Variants in LRRTM4 observed in about 807,000 individuals in gnomAD.
LRRTM4 encodes leucine rich repeat transmembrane neuronal 4.
In LRRTM4, 25 loss-of-function variants were observed where a neutral mutation model predicts 47.6. The ratio of observed to expected loss-of-function variants is 0.53; its 90% CI spans 0.38 to 0.73. LRRTM4 has a LOEUF of 0.73. Ranked by LOEUF, LRRTM4 falls within the 30% of genes least tolerant of loss-of-function variation. The probability of loss-of-function intolerance (pLI) is 0.00; values close to 1 mark genes in which losing one functional copy is unlikely to be tolerated. For synonymous variants in LRRTM4, 311 were observed against 269.5 expected (o/e 1.15, Z -1.51); for missense variants, 638 against 713.4 (o/e 0.89, Z 1.20).
At chr2:77,357,325 T>C (rs1412876430) in intron 3 of LRRTM4, among the ~76,000 whole-genome samples, 3 of 152,180 alleles carry the variant, frequency 2.0e-5, no homozygotes, top group Non-Finnish European at 2.9e-5. Flanking sequence ...ATGATGATCC[T>C]GACCTTTTTC....
intron 3 of LRRTM4, among the ~76,000 whole-genome samples, chr2:76,843,034 G>A (rs1485641709): frequency 6.6e-6 from 1 of 152,136 alleles, no homozygotes; most frequent in Non-Finnish European, 1.5e-5. Flanking sequence ...AAATGGTAAG[G>A]TTTACACATT....
At chr2:76,799,532 A>G (rs1675541321) in intron 3 of LRRTM4, among the ~76,000 whole-genome samples, 2 of 144,044 alleles carry the variant, frequency 1.4e-5, no homozygotes, top group Admixed American at 6.9e-5. Flanking sequence ...TTCCCTTTGA[A>G]AACTGGCACA....
intron 3 of LRRTM4, among the ~76,000 whole-genome samples, chr2:77,223,174 A>T (rs952271508): frequency 1.5e-4 from 23 of 152,190 alleles, no homozygotes; most frequent in Admixed American, 8.5e-4. Flanking sequence ...CATGCTAAAA[A>T]CTCTCAATAA....
At chr2:77,128,554 A>G (rs1671714033) in intron 3 of LRRTM4, among the ~76,000 whole-genome samples, 1 of 152,216 alleles carries the variant, frequency 6.6e-6, no homozygotes, top group Admixed American at 6.5e-5. Flanking sequence ...CCCATCTAGT[A>G]AAACTATACA....
chr2:76,782,500 A>C (rs1478661250), intron 3 of LRRTM4, among the ~76,000 whole-genome samples: 1 of 152,212 alleles, frequency 6.6e-6, no homozygotes. Flanking sequence ...TGCAATAGCA[A>C]CAGGAGGTGA....
intron 3 of LRRTM4, among the ~76,000 whole-genome samples, chr2:77,109,879 A>G (rs1272829264): frequency 1.3e-5 from 2 of 152,132 alleles, no homozygotes; most frequent in African/African-American, 2.4e-5. Flanking sequence ...ATTATAGACA[A>G]ATGTCTTAAA....
chr2:77,040,054 T>C (rs17013640), intron 3 of LRRTM4, among the ~76,000 whole-genome samples: 5,071 of 151,270 alleles, frequency 0.034, 289 homozygotes, highest in African/African-American at 0.12. Context: ...TGTTGTAGCA[T>C]TATAAGACAG....
Position 76,945,910 on chromosome 2 carries a change from T to A in LRRTM4, c.1552-196994A>T, listed in dbSNP as rs114478306. 7.7e-3 allele frequency among the ~76,000 whole-genome samples: 1,177 copies of A among 152,100 alleles called. 18 individuals carry two copies. Among genetic ancestry groups the A allele is most frequent in the African/African-American group, 0.027 (1,122 of 41,532 alleles). On this transcript the variant is annotated intron_variant, in intron 3 of 3. Coordinates refer to ENST00000409884, the MANE Select transcript of LRRTM4 (RefSeq NM_001134745.3). ...CCACAATTGAGAAATTGTAGAAATC[T>A]GTATATCCCTTCTCATTCTTGTTCT...
intron 3 of LRRTM4, among the ~76,000 whole-genome samples, chr2:77,313,120 G>A (rs923841328): frequency 6.6e-6 from 1 of 152,202 alleles, no homozygotes; most frequent in Non-Finnish European, 1.5e-5. Context: ...GGGACCTCGT[G>A]CTGGGATGTG....
intron 3 of LRRTM4, among the ~76,000 whole-genome samples, chr2:76,909,596 T>G (rs541834225): frequency 2.0e-5 from 3 of 151,774 alleles, no homozygotes; most frequent in Non-Finnish European, 4.4e-5. Context: ...ACCTACTCAT[T>G]TGACAAAGGG....
intron 3 of LRRTM4, among the ~76,000 whole-genome samples, chr2:77,030,870 A>C (rs2104137600): frequency 6.6e-6 from 1 of 152,306 alleles, no homozygotes; most frequent in African/African-American, 2.4e-5. Flanking sequence ...TTTTGAAGTA[A>C]CTGTTCTTTC....
chr2:77,195,993 GA>G lies in LRRTM4; in HGVS notation c.1551+322324del, dbSNP rs763267535. 7.2e-4 allele frequency among the ~76,000 whole-genome samples: 109 copies of G among 152,196 alleles called. 1 individual carries two copies. In the Middle Eastern group the frequency reaches 0.01, roughly 14 times the overall value. ...GTAAGCTATTAATCTTTCCTGACAAGAAGAAACTAATCCTTCTCATTATTGC... is the reference window on the plus strand; with the variant it reads ...GTAAGCTATTAATCTTTCCTGACAAGAGAAACTAATCCTTCTCATTATTGC... On this transcript the variant is annotated intron_variant, in intron 3 of 3. Coordinates refer to ENST00000409884, the MANE Select transcript of LRRTM4 (RefSeq NM_001134745.3).
At chr2:77,066,014 C>T (rs1340852370) in intron 3 of LRRTM4, among the ~76,000 whole-genome samples, 1 of 152,026 alleles carries the variant, frequency 6.6e-6, no homozygotes, top group African/African-American at 2.4e-5. Flanking sequence ...CTCTATAGAG[C>T]AAATTCAGGA....
At chr2:76,906,957 G>A (rs1404626330) in intron 3 of LRRTM4, among the ~76,000 whole-genome samples, 2 of 151,790 alleles carry the variant, frequency 1.3e-5, no homozygotes. Context: ...AAGTTAACAA[G>A]GATACCCAGG....
intron 3 of LRRTM4, among the ~76,000 whole-genome samples, chr2:76,872,734 G>A (rs1672660970): frequency 6.6e-6 from 1 of 151,964 alleles, no homozygotes; most frequent in Admixed American, 6.6e-5. Context: ...TCCTAATGTA[G>A]GAGGTGAGAC....
At chr2:76,893,463 A>C (rs1197771861) in intron 3 of LRRTM4, among the ~76,000 whole-genome samples, 1 of 151,742 alleles carries the variant, frequency 6.6e-6, no homozygotes, top group Non-Finnish European at 1.5e-5. Context: ...ATAATAACTA[A>C]CAACCAAATG....
chr2:76,770,133 G>A (rs972487297), intron 3 of LRRTM4, among the ~76,000 whole-genome samples: 7 of 152,138 alleles, frequency 4.6e-5, no homozygotes, highest in African/African-American at 1.4e-4. Context: ...AAAGGGAAAT[G>A]TAAGTTTCAA....
chr2:77,322,709 T>A (rs1364339540), intron 3 of LRRTM4, among the ~76,000 whole-genome samples: 1 of 151,084 alleles, frequency 6.6e-6, no homozygotes, highest in African/African-American at 2.4e-5. Context: ...TGCCAAAGTT[T>A]GTTTTAAAAA....
chr2:76,781,762 A>G (rs1051887186), intron 3 of LRRTM4, among the ~76,000 whole-genome samples: 2 of 151,608 alleles, frequency 1.3e-5, no homozygotes, highest in South Asian at 2.1e-4. Context: ...TCCTATTCTC[A>G]TTTCTCTTAT....
Sources: allele counts gnomAD v4.1 joint callset (sites outside exome capture counted in the v4.1 genomes callset), GRCh38; gene constraint gnomAD v4.1.1; transcripts MANE v1.5; gene names NCBI Gene and HGNC (gene_info 2026-07-23, HGNC 2026-07-21).